Variants in CAPN9 observed in about 807,000 individuals in gnomAD.
The protein encoded by CAPN9 is calpain 9.
In CAPN9, 81 loss-of-function variants were observed where a neutral mutation model predicts 92.8. That is an observed-to-expected ratio of 0.87 (90% CI 0.73 to 1.05). The LOEUF (loss-of-function observed/expected upper bound fraction) is 1.05, where lower values mean the gene tolerates loss of function less well. Ranked by LOEUF, CAPN9 falls within the 50% of genes least tolerant of loss-of-function variation. The probability of loss-of-function intolerance (pLI) is 0.00; values close to 1 mark genes in which losing one functional copy is unlikely to be tolerated. For synonymous variants in CAPN9, 304 were observed against 328.0 expected (o/e 0.93, Z 0.79); for missense variants, 848 against 866.2 (o/e 0.98, Z 0.26).
At position 230,780,311 on chromosome 1, in the gene CAPN9, T is replaced by G. The variant is rs79844715; in HGVS notation, c.1247T>G (p.Leu416Arg). The G allele has an allele frequency of 2.8e-4, 452 of 1,614,130 alleles. No homozygotes were observed. In the African/African-American group the frequency reaches 5.5e-3, roughly 19 times the overall value. ...CTCAAGAGATTTGGTGCCAATGTGC[T>G]GACAATCGGCTATGCCATTTATGAG... ...RKLKRFGANVLTIGYAIYECP... is the reference protein window; with the variant it reads ...RKLKRFGANVRTIGYAIYECP... The change falls in exon 10 of 20, where the codon CTG (leucine) becomes CGG (arginine). Residue 416 changes from leucine (L) to arginine (R), a missense_variant. Leu to Arg is a moderately radical substitution (Grantham distance 102). Coordinates refer to ENST00000271971, the MANE Select transcript of CAPN9 (RefSeq NM_006615.3).
At chr1:230,791,458 A>G (rs908815587) in intron 14 of CAPN9, among the ~76,000 whole-genome samples, 6 of 152,230 alleles carry the variant, frequency 3.9e-5, no homozygotes, top group Non-Finnish European at 8.8e-5. Flanking sequence ...GCCATTAAAT[A>G]TGCTGCAAAA....
intron 8 of CAPN9, among the ~76,000 whole-genome samples, chr1:230,778,315 T>A (rs1666960901): frequency 6.6e-6 from 1 of 152,196 alleles, no homozygotes; most frequent in African/African-American, 2.4e-5. Flanking sequence ...CCCTTGTCTC[T>A]CACTTGGACA....
At chr1:230,759,732 A>G (rs1274375238) in intron 3 of CAPN9, 102 bp downstream of exon 3, 1 of 712,528 alleles carries the variant, frequency 1.4e-6, no homozygotes. Context: ...AAATGTCATC[A>G]GATCTGTGTG....
intron 11 of CAPN9, among the ~76,000 whole-genome samples, 170 bp from the exon 12 acceptor site, chr1:230,785,811 G>T (rs1192053924): frequency 6.6e-6 from 1 of 152,182 alleles, no homozygotes; most frequent in African/African-American, 2.4e-5. Context: ...AGTGACTAAG[G>T]GTGGGGGTGT....
At chr1:230,751,757 T>C (rs1421562245) in intron 1 of CAPN9, among the ~76,000 whole-genome samples, 3 of 151,506 alleles carry the variant, frequency 2.0e-5, no homozygotes, top group African/African-American at 7.3e-5. Context: ...TGAGCCCCGA[T>C]GATGTACAAG....
chr1:230,781,057 C>T (rs545631036), intron 11 of CAPN9, among the ~76,000 whole-genome samples: 3 of 151,906 alleles, frequency 2.0e-5, no homozygotes, highest in Non-Finnish European at 4.4e-5. Flanking sequence ...TTAGTAGAGA[C>T]GGGGTTTCAC....
At chr1:230,773,689 C>T (rs1012322159) in intron 7 of CAPN9, among the ~76,000 whole-genome samples, 3 of 152,084 alleles carry the variant, frequency 2.0e-5, no homozygotes, top group Non-Finnish European at 4.4e-5. Flanking sequence ...ATAATGGCTC[C>T]AAAAGAAAAT....
chr1:230,748,852 C>G (rs1365196460), intron 1 of CAPN9, among the ~76,000 whole-genome samples: 2 of 152,120 alleles, frequency 1.3e-5, no homozygotes, highest in Non-Finnish European at 2.9e-5. Context: ...AACTTCTGGG[C>G]TCTTCAGGGG....
intron 11 of CAPN9, among the ~76,000 whole-genome samples, chr1:230,784,425 G>T (rs1477799843): frequency 1.3e-5 from 2 of 152,192 alleles, no homozygotes; most frequent in Non-Finnish European, 2.9e-5. Context: ...GGCCTAAGAG[G>T]AAAAAAATGG....
intron 4 of CAPN9, among the ~76,000 whole-genome samples, chr1:230,765,823 A>G (rs1665951223): frequency 6.6e-6 from 1 of 152,240 alleles, no homozygotes; most frequent in Admixed American, 6.5e-5. Flanking sequence ...TTTATATTCC[A>G]TCCTTGAGGA....
intron 17 of CAPN9, among the ~76,000 whole-genome samples, chr1:230,793,578 C>A (rs1232952012): frequency 1.3e-5 from 2 of 152,224 alleles, no homozygotes; most frequent in African/African-American, 4.8e-5. Flanking sequence ...GCTCTGCAGA[C>A]CTCCCGCCTG....
intron 17 of CAPN9, among the ~76,000 whole-genome samples, chr1:230,793,903 G>T (rs1248691938): frequency 6.6e-6 from 1 of 152,166 alleles, no homozygotes; most frequent in Non-Finnish European, 1.5e-5. Flanking sequence ...GGAGGGGCAT[G>T]GCTGTGTCTT....
At chr1:230,786,922 C>A (rs1667631621) in intron 12 of CAPN9, among the ~76,000 whole-genome samples, 1 of 152,060 alleles carries the variant, frequency 6.6e-6, no homozygotes. Flanking sequence ...GGCTGGAGGA[C>A]TCGCAAGAGG....
At chr1:230,769,098 G>A (rs1272243234) in intron 5 of CAPN9, 82 bp from the exon 6 acceptor site, 16 of 1,113,464 alleles carry the variant, frequency 1.4e-5, no homozygotes, top group Non-Finnish European at 2.2e-5. Context: ...TTGTGACCGG[G>A]CCAGGCATGT....
intron 18 of CAPN9, among the ~76,000 whole-genome samples, chr1:230,795,907 T>C (rs2102938983): frequency 6.6e-6 from 1 of 152,196 alleles, no homozygotes; most frequent in Admixed American, 6.5e-5. Context: ...TTTAATGTTC[T>C]GGCGTTTCCA....
At chr1:230,786,128 C>T (rs1572075915) in intron 12 of CAPN9, 111 bp downstream of exon 12, 1 of 1,595,600 alleles carries the variant, frequency 6.3e-7, no homozygotes, top group East Asian at 2.2e-5. Context: ...TGGTTACATG[C>T]AATCAAGTAA....
rs965051792 is a variant in CAPN9, at chr1:230,755,426, G to C, written c.283+20G>C. 6.3e-7 allele frequency: 1 copy of C among 1,586,048 alleles called. No individual in the cohort carries two copies. Among genetic ancestry groups the C allele is most frequent in the Non-Finnish European group, 8.6e-7 (1 of 1,165,068 alleles). ...AGCTGGGTGAGTGTAAGTGGATGGA[G>C]CATGGCGAGAGGGAGGTTGAGTCAC... On this transcript the variant is annotated intron_variant, in intron 2 of 19. Transcript: ENST00000271971.
intron 12 of CAPN9, among the ~76,000 whole-genome samples, chr1:230,786,724 T>TGA (rs1008417471): frequency 1.3e-5 from 2 of 152,112 alleles, no homozygotes; most frequent in Non-Finnish European, 2.9e-5. Flanking sequence ...CAACTCCACC[T>TGA]GAGAGAAGGC....
chr1:230,798,224 T>C lies in CAPN9; in HGVS notation c.2046+4T>C, dbSNP rs1668472323. 2 of 1,606,250 alleles carry C rather than the reference T, an allele frequency of 1.2e-6. No homozygotes were observed. Among genetic ancestry groups the C allele is most frequent in the Admixed American group, 1.7e-5 (1 of 59,986 alleles). On this transcript the variant is annotated splice_donor_region_variant and intron_variant, in intron 19 of 19. Coordinates refer to ENST00000271971, the MANE Select transcript of CAPN9 (RefSeq NM_006615.3). ...CATTCATCTCAATATAAATGAGGTATGGCCAATCCAGACCCTCTGCTCAGG... is the reference window on the plus strand; with the variant it reads ...CATTCATCTCAATATAAATGAGGTACGGCCAATCCAGACCCTCTGCTCAGG...
Sources: gnomAD v4.1 joint callset for allele counts (sites outside exome capture counted in the v4.1 genomes callset) on GRCh38, gnomAD v4.1.1 for gene constraint, MANE v1.5 for transcripts, NCBI Gene and HGNC (gene_info 2026-07-23, HGNC 2026-07-21) for gene names.